Variants in NT5C1B observed in about 807,000 individuals in gnomAD.
The protein encoded by NT5C1B is cytosolic 5'-nucleotidase 1B.
In NT5C1B, 44 loss-of-function variants were observed where a neutral mutation model predicts 57.8. The observed-to-expected ratio is 0.76, with a 90% CI of 0.60 to 0.98. The LOEUF is 0.98. NT5C1B is among the 50% of genes least tolerant of loss of function. The pLI is 0.00. For missense variants in NT5C1B, 742 were observed against 719.5 expected, an observed-to-expected ratio of 1.03 and a Z score of -0.36; for synonymous variants, 284 against 282.6, an observed-to-expected ratio of 1.00 and a Z score of -0.05.
At chr2:18,563,674 T>G in exon 9 of NT5C1B, 1 of 1,162,108 alleles carries the variant, frequency 8.6e-7, no homozygotes, top group South Asian at 2.4e-5. Flanking sequence ...GAGAAAACCT[T>G]TCCAAAGAAG....
At chr2:18,582,271 C>T (rs1445270993) in intron 6 of NT5C1B, among the ~76,000 whole-genome samples, 1 of 152,218 alleles carries the variant, frequency 6.6e-6, no homozygotes, top group African/African-American at 2.4e-5. Context: ...ATTTTAACTT[C>T]ACATACCCAT....
At chr2:18,573,242 G>T (rs1396368209) in intron 8 of NT5C1B, among the ~76,000 whole-genome samples, 1 of 152,094 alleles carries the variant, frequency 6.6e-6, no homozygotes, top group Non-Finnish European at 1.5e-5. Context: ...TATAGAAAAA[G>T]AAATCAGTGG....
At chr2:18,564,639 G>A (rs1664478075) in intron 8 of NT5C1B, among the ~76,000 whole-genome samples, 1 of 152,100 alleles carries the variant, frequency 6.6e-6, no homozygotes, top group Non-Finnish European at 1.5e-5. Context: ...CTTGTACAGA[G>A]CCTAGAATTG....
At chr2:18,565,187 TC>T in intron 8 of NT5C1B, among the ~76,000 whole-genome samples, 1 of 152,330 alleles carries the variant, frequency 6.6e-6, no homozygotes, top group African/African-American at 2.4e-5. Context: ...AGACCTTCTT[TC>T]CCCATATTTT....
At chr2:18,583,471 T>C (rs1666364304) in intron 5 of NT5C1B, 1 of 216,248 alleles carries the variant, frequency 4.6e-6, no homozygotes, top group Non-Finnish European at 9.4e-6. Context: ...CAGAGTACTT[T>C]ATGTATTAAC....
At chr2:18,582,184 C>T (rs1572365042) in intron 6 of NT5C1B, among the ~76,000 whole-genome samples, 1 of 152,304 alleles carries the variant, frequency 6.6e-6, no homozygotes. Flanking sequence ...TGATTCCAGC[C>T]TTATAGTTAG....
chr2:18,586,345 A>G (rs1471288807), exon 3 of NT5C1B: 1 of 1,614,038 alleles, frequency 6.2e-7, no homozygotes, highest in Admixed American at 1.7e-5. Context: ...ACTGCGCACA[A>G]GGTACCCTCG....
chr2:18,563,506 C>G lies in NT5C1B; in HGVS notation c.*290G>C, dbSNP rs573083077. On this transcript the variant is annotated 3_prime_UTR_variant, in exon 9 of 9. Transcript: ENST00000304081. ...AACTAAGTAAGCTTCTAAAACAGTGCCTTAAGCATGCAAATATTCAAGTTC... is the reference window on the plus strand; with the variant it reads ...AACTAAGTAAGCTTCTAAAACAGTGGCTTAAGCATGCAAATATTCAAGTTC... The G allele has an allele frequency of 1.1e-4, 29 of 255,640 alleles. 1 individual carries two copies. The East Asian group carries it at 2.1e-3, about 19-fold the overall frequency. The allele number at this position is 255,640 out of a possible 1,614,324, so 15.8% of individuals were successfully genotyped here. A position where few individuals can be genotyped will look rare whatever the true frequency, so the allele number is the denominator to read the frequency against.
intron 2 of NT5C1B, chr2:18,586,957 G>A: frequency 6.2e-7 from 1 of 1,613,882 alleles, no homozygotes; most frequent in South Asian, 1.1e-5. Flanking sequence ...GTTGTCTGTG[G>A]TTCCCCTCCA....
exon 9 of NT5C1B, chr2:18,563,540 T>C (rs1277108575): frequency 9.0e-6 from 3 of 332,936 alleles, no homozygotes; most frequent in Non-Finnish European, 1.6e-5. Flanking sequence ...TCTAAACTTA[T>C]CCTAAAGAGT....
At chr2:18,564,262 G>T in intron 8 of NT5C1B, 143 bp from the exon 9 acceptor site, 2 of 943,656 alleles carry the variant, frequency 2.1e-6, no homozygotes, top group African/African-American at 1.7e-5. Context: ...ATGGCAAAAT[G>T]CTAAAACTTG....
Position 18,584,099 on chromosome 2 carries a change from G to A in NT5C1B, c.880C>T (p.Arg294Cys), listed in dbSNP as rs868017468. The A allele has an allele frequency of 1.9e-6, 3 of 1,614,036 alleles. No homozygotes were observed. Among genetic ancestry groups the A allele is most frequent in the African/African-American group, 2.7e-5 (2 of 74,906 alleles). ...AGCTTGCAGAATACCTTGACGAAGC[G>A]GAACGCCGGGCCCGGGGTCAGGATG... Residue 294 changes from arginine (R) to cysteine (C), a missense_variant, in exon 5 of 9, where the codon CGC (arginine) becomes TGC (cysteine). Physicochemically the swap from Arg to Cys is radical, Grantham distance 180. Coordinates refer to ENST00000304081, the Ensembl canonical transcript of NT5C1B. This position sits in a 1 kb window ranked among gnomAD's most constrained non-coding sequence, Gnocchi z 5.8.
chr2:18,572,824 G>A (rs1374963956), intron 8 of NT5C1B, among the ~76,000 whole-genome samples: 9 of 152,140 alleles, frequency 5.9e-5, no homozygotes, highest in Admixed American at 5.9e-4. Flanking sequence ...ACAATGCAAA[G>A]CAACAAAACC....
At position 18,586,109 on chromosome 2, in the gene NT5C1B, C is replaced by T. The variant is rs145330392; in HGVS notation, c.258+145G>A. The T allele has an allele frequency of 1.4e-3, 1,774 of 1,266,266 alleles. 24 individuals are homozygous for T. The African/African-American group carries it at 0.024, about 17-fold the overall frequency. The allele number at this position is 1,266,266 out of a possible 1,614,324, so 78.4% of individuals were successfully genotyped here. A position where few individuals can be genotyped will look rare whatever the true frequency, so the allele number is the denominator to read the frequency against. ...TTTCTCAGTGGCAAAATGGGATTTA[C>T]GGGCAGAAGGGAGTTCTCCCAAGGG... On this transcript the variant is annotated intron_variant, in intron 3 of 8. Transcript: ENST00000304081.
chr2:18,572,050 C>A (rs1665240691), intron 8 of NT5C1B, among the ~76,000 whole-genome samples: 1 of 135,914 alleles, frequency 7.4e-6, no homozygotes, highest in Non-Finnish European at 1.5e-5. Context: ...CATGCCATTG[C>A]ATTCCAGACT....
exon 6 of NT5C1B, chr2:18,582,915 T>C (rs1666308878): frequency 1.2e-6 from 2 of 1,614,070 alleles, no homozygotes. Flanking sequence ...TTGGGCATGG[T>C]TATTAGTCAT....
chr2:18,577,120 T>A (rs1346159747), intron 6 of NT5C1B, among the ~76,000 whole-genome samples: 1 of 152,182 alleles, frequency 6.6e-6, no homozygotes, highest in Non-Finnish European at 1.5e-5. Context: ...TTGTATTTGG[T>A]ACATTACAGT....
chr2:18,584,467 C>CT lies in NT5C1B; in HGVS notation c.723+46dup. 1.3e-6 allele frequency: 2 copies of CT among 1,580,820 alleles called. No homozygotes were observed. The highest frequency in any genetic ancestry group is 1.7e-6 in the Non-Finnish European group (2 of 1,164,654). ...TGGAGAGGAGGGCGGCTGGAAGAGG[C>CT]TGCAAGGAAGGGCGCCCCGGCTGCC... On this transcript the variant is annotated intron_variant, in intron 4 of 8. Coordinates refer to ENST00000304081, the Ensembl canonical transcript of NT5C1B. This position sits in a 1 kb window ranked among gnomAD's most constrained non-coding sequence, Gnocchi z 5.8.
intron 8 of NT5C1B, among the ~76,000 whole-genome samples, chr2:18,566,902 C>G (rs1430732992): frequency 6.6e-6 from 1 of 152,124 alleles, no homozygotes; most frequent in Admixed American, 6.5e-5. Context: ...TAGGGAAAAA[C>G]AGTCATCTTC....
Sources: allele counts gnomAD v4.1 joint callset (sites outside exome capture counted in the v4.1 genomes callset), GRCh38; gene constraint gnomAD v4.1.1; non-coding constraint Gnocchi (gnomAD v3.1); transcripts MANE v1.5; gene names NCBI Gene and HGNC (gene_info 2026-07-23, HGNC 2026-07-21).